Variants in SYT1 observed in about 807,000 individuals in gnomAD.
SYT1 encodes the protein synaptotagmin-1.
In SYT1, 8 loss-of-function variants were observed where a neutral mutation model predicts 44.8. The observed-to-expected ratio is 0.18, with a 90% CI of 0.10 to 0.32. The LOEUF (loss-of-function observed/expected upper bound fraction) is 0.32. Ranked by LOEUF, SYT1 falls within the 10% of genes least tolerant of loss-of-function variation. The pLI is 1.00. For synonymous variants in SYT1, 154 were observed against 188.8 expected (o/e 0.82, Z 1.51); for missense variants, 286 against 509.3 (o/e 0.56, Z 4.22).
intron 2 of SYT1, among the ~76,000 whole-genome samples, chr12:79,020,695 T>C (rs1168776067): frequency 2.0e-5 from 3 of 151,892 alleles, no homozygotes; most frequent in Non-Finnish European, 4.4e-5. Context: ...TCCCTGTCCA[T>C]AGCAATAGGT....
At chr12:78,952,572 G>A (rs116209607) in intron 1 of SYT1, among the ~76,000 whole-genome samples, 2,242 of 152,174 alleles carry the variant, frequency 0.015, 61 homozygotes, top group African/African-American at 0.051. Flanking sequence ...AAAGCAAAAA[G>A]TACTGTTGTT....
At chr12:79,240,411 C>G (rs1876435632) in intron 4 of SYT1, among the ~76,000 whole-genome samples, 1 of 152,114 alleles carries the variant, frequency 6.6e-6, no homozygotes, top group Admixed American at 6.5e-5. Context: ...GCAGGGTTAG[C>G]AGCAGCATGG....
rs369979776 is a variant in SYT1 at position 79,217,546 on chromosome 12, C to G, written c.27C>G (p.Ala9=). 5.0e-6 allele frequency: 8 copies of G among 1,602,932 alleles called. No homozygotes were observed. The South Asian group carries it at 7.8e-5, about 16-fold the overall frequency. Reference sequence around the variant, plus strand: ...TGGTGAGCGAGAGTCACCATGAGGCCCTGGCAGCCCCGCCTGTCACCACTG... The same window carrying G: ...TGGTGAGCGAGAGTCACCATGAGGCGCTGGCAGCCCCGCCTGTCACCACTG... MVSESHHE[A]LAAPPVTTVA... The change falls in exon 4 of 11, where the codon GCC becomes GCG. Residue 9 remains alanine (A), a synonymous_variant. Coordinates refer to ENST00000261205, the MANE Select transcript of SYT1 (RefSeq NM_005639.3).
chr12:78,869,874 G>A (rs184233390), intron 1 of SYT1, among the ~76,000 whole-genome samples: 1 of 151,860 alleles, frequency 6.6e-6, no homozygotes, highest in Middle Eastern at 3.2e-3. Context: ...CTGCTATTGC[G>A]GAAATACAAA....
intron 9 of SYT1, among the ~76,000 whole-genome samples, chr12:79,417,503 A>T (rs1868818084): frequency 1.3e-5 from 2 of 152,094 alleles, no homozygotes; most frequent in Non-Finnish European, 2.9e-5. Context: ...CCTTGACGTT[A>T]CTACCAATGG....
intron 2 of SYT1, among the ~76,000 whole-genome samples, chr12:79,039,452 A>G (rs936784780): frequency 2.0e-5 from 3 of 151,992 alleles, no homozygotes; most frequent in Admixed American, 6.6e-5. Context: ...TGCTATGTTC[A>G]CTTTCTCCTC....
intron 9 of SYT1, among the ~76,000 whole-genome samples, chr12:79,424,115 G>T (rs577438546): frequency 2.6e-5 from 4 of 152,114 alleles, no homozygotes; most frequent in Admixed American, 6.6e-5. Context: ...GTACGTATAA[G>T]GGAATTCGAA....
chr12:79,064,976 GAAA>G (rs1875713543), intron 3 of SYT1, among the ~76,000 whole-genome samples: 3 of 138,522 alleles, frequency 2.2e-5, no homozygotes, highest in African/African-American at 2.9e-5. Flanking sequence ...AAGAAAGAAA[GAAA>G]GAAAGAAAGA....
At chr12:79,129,548 T>C (rs552591076) in intron 3 of SYT1, among the ~76,000 whole-genome samples, 2 of 152,330 alleles carry the variant, frequency 1.3e-5, no homozygotes, top group Admixed American at 1.3e-4. Context: ...TAAAGCTTTG[T>C]AGAAATATTG....
chr12:79,343,682 A>T lies in SYT1; in HGVS notation c.811-9820A>T, dbSNP rs112279517. Among the ~76,000 whole-genome samples, 11 of 152,376 alleles carry T rather than the reference A, an allele frequency of 7.2e-5. 1 individual carries two copies. The highest frequency in any genetic ancestry group is 2.6e-4 in the African/African-American group (11 of 41,596). The stretch of plus-strand genomic sequence containing the variant: ...TTGTCAGTAATAAAATATTTGGCAC[A>T]TACTCCCAATATTTCTGTCTTTCTA... On this transcript the variant is annotated intron_variant, in intron 8 of 10. Coordinates refer to ENST00000261205, the MANE Select transcript of SYT1 (RefSeq NM_005639.3).
At chr12:78,869,192 A>C (rs1358485225) in intron 1 of SYT1, among the ~76,000 whole-genome samples, 1 of 151,902 alleles carries the variant, frequency 6.6e-6, no homozygotes, top group Non-Finnish European at 1.5e-5. Context: ...CATTTCCTTA[A>C]GGAGAAATTT....
chr12:79,123,262 G>A (rs1165330818), intron 3 of SYT1, among the ~76,000 whole-genome samples: 1 of 149,320 alleles, frequency 6.7e-6, no homozygotes, highest in African/African-American at 2.5e-5. Flanking sequence ...CCTATCAATG[G>A]GTCCAGTACT....
intron 3 of SYT1, among the ~76,000 whole-genome samples, chr12:79,114,086 G>A (rs1266466572): frequency 6.6e-6 from 1 of 152,114 alleles, no homozygotes; most frequent in Non-Finnish European, 1.5e-5. Context: ...CAAGGAAAGA[G>A]CCTGATATGT....
chr12:79,050,469 T>G (rs1874393906), intron 3 of SYT1, among the ~76,000 whole-genome samples: 1 of 152,052 alleles, frequency 6.6e-6, no homozygotes, highest in Non-Finnish European at 1.5e-5. Context: ...AGTAATACTT[T>G]CAAGAACTTC....
Position 79,347,374 on chromosome 12 carries a change from A to G in SYT1, c.811-6128A>G, listed in dbSNP as rs112522497. On this transcript the variant is annotated intron_variant, in intron 8 of 10. Coordinates refer to ENST00000261205, the MANE Select transcript of SYT1 (RefSeq NM_005639.3). ...CCCACATCCAATGTTTGGGGGATTC[A>G]GGATGATAAAATCTCATCCTTGTTG... is the stretch of plus-strand genomic sequence containing the variant. Among the ~76,000 whole-genome samples, 11 of 152,248 alleles carry G rather than the reference A, an allele frequency of 7.2e-5. 1 individual carries two copies. The highest frequency in any genetic ancestry group is 2.6e-4 in the African/African-American group (11 of 41,566).
intron 1 of SYT1, among the ~76,000 whole-genome samples, chr12:78,922,972 T>C (rs1457987228): frequency 6.6e-6 from 1 of 150,408 alleles, no homozygotes; most frequent in South Asian, 2.1e-4. Context: ...CAGAGCCCAT[T>C]CCCATAACCA....
intron 2 of SYT1, among the ~76,000 whole-genome samples, chr12:79,006,195 G>T (rs1871069340): frequency 6.6e-6 from 1 of 152,084 alleles, no homozygotes; most frequent in African/African-American, 2.4e-5. Flanking sequence ...ATTACTTTCA[G>T]GATTTCCTGT....
At chr12:79,124,011 G>C (rs1037113676) in intron 3 of SYT1, among the ~76,000 whole-genome samples, 1 of 152,114 alleles carries the variant, frequency 6.6e-6, no homozygotes, top group African/African-American at 2.4e-5. Context: ...CATACTATGC[G>C]CCAGGCACTG....
intron 9 of SYT1, among the ~76,000 whole-genome samples, chr12:79,433,897 C>A (rs1280123187): frequency 6.6e-6 from 1 of 152,210 alleles, no homozygotes; most frequent in Non-Finnish European, 1.5e-5. Context: ...GATATGTCAA[C>A]TGCCCATAAC....
Sources: gnomAD v4.1 joint callset for allele counts (sites outside exome capture counted in the v4.1 genomes callset) on GRCh38, gnomAD v4.1.1 for gene constraint, MANE v1.5 for transcripts, NCBI Gene and HGNC (gene_info 2026-07-23, HGNC 2026-07-21) for gene names.